The following ARFIP1 variants were observed in gnomAD, a reference collection of about 807,000 sequenced individuals.
The protein encoded by ARFIP1 is ARF interacting protein 1.
In ARFIP1, 24 loss-of-function variants were observed where a neutral mutation model predicts 42.5. The ratio of observed to expected loss-of-function variants is 0.57; its 90% CI spans 0.41 to 0.80. The LOEUF (loss-of-function observed/expected upper bound fraction) is 0.80, where lower values mean the gene tolerates loss of function less well. Among genes scored for constraint, ARFIP1 ranks in the 30% least tolerant of loss-of-function variants. The probability of loss-of-function intolerance (pLI) is 0.00; values close to 1 mark genes in which losing one functional copy is unlikely to be tolerated. For synonymous variants in ARFIP1, 141 were observed against 153.7 expected (o/e 0.92, Z 0.61); for missense variants, 354 against 434.0 (o/e 0.82, Z 1.64).
intron 1 of ARFIP1, among the ~76,000 whole-genome samples, chr4:152,793,555 A>G (rs558400389): frequency 6.6e-6 from 1 of 152,188 alleles, no homozygotes; most frequent in East Asian, 1.9e-4. Flanking sequence ...TCTCCTATAC[A>G]TACATACCTA....
intron 1 of ARFIP1, among the ~76,000 whole-genome samples, chr4:152,824,959 C>CA (rs1373443842): frequency 6.6e-6 from 1 of 151,568 alleles, no homozygotes; most frequent in Non-Finnish European, 1.5e-5. Flanking sequence ...TATATACACA[C>CA]ACGCACACCA....
At chr4:152,793,327 GAT>G (rs915022932) in intron 1 of ARFIP1, among the ~76,000 whole-genome samples, 12 of 143,686 alleles carry the variant, frequency 8.4e-5, no homozygotes, top group South Asian at 2.2e-4. Flanking sequence ...AAAAAAAAAT[GAT>G]ATATATATAT....
chr4:152,910,204 G>T lies in ARFIP1; in HGVS notation c.1107G>T (p.Trp369Cys). Residue 369 changes from tryptophan (W) to cysteine (C), a missense_variant, in exon 9 of 9, where the codon TGG (tryptophan) becomes TGT (cysteine). Physicochemically the swap from Trp to Cys is radical, Grantham distance 215 (BLOSUM62 -2). Transcript: ENST00000353617. ...CCCCTGGAGTGGATGCCCCATCTTG[G>T]CTTGAAGAACAGTAAAATCACAGCG... ...LKTPGVDAPS[W>C]LEEQ 1 of 1,612,466 alleles carries T rather than the reference G, an allele frequency of 6.2e-7. No homozygotes were observed. Among genetic ancestry groups the T allele is most frequent in the Non-Finnish European group, 8.5e-7 (1 of 1,179,524 alleles).
chr4:152,910,153 T>TG lies in ARFIP1; in HGVS notation c.1056_1057insG (p.Lys353GlufsTer19). 6.2e-7 allele frequency: 1 copy of TG among 1,614,154 alleles called. No individual in the cohort carries two copies. Among genetic ancestry groups the TG allele is most frequent in the African/African-American group, 1.3e-5 (1 of 75,048 alleles). On this transcript the variant is annotated frameshift_variant, in exon 9 of 9. Coordinates refer to ENST00000353617, the MANE Select transcript of ARFIP1 (RefSeq NM_001025595.3). LOFTEE classifies it high-confidence loss of function. ...ATCAGAAGCAGCTTGAACAGACACT[T>TG]AAACAGTTCCATATCAAATTGAAAA...
intron 1 of ARFIP1, among the ~76,000 whole-genome samples, chr4:152,785,851 A>C (rs931460249): frequency 6.6e-6 from 1 of 152,202 alleles, no homozygotes; most frequent in African/African-American, 2.4e-5. Flanking sequence ...TCAGTTCCTC[A>C]TTGTACCAGC....
At chr4:152,788,758 A>G (rs965158338) in intron 1 of ARFIP1, among the ~76,000 whole-genome samples, 4 of 151,856 alleles carry the variant, frequency 2.6e-5, no homozygotes, top group Non-Finnish European at 2.9e-5. Flanking sequence ...CGTAATTATT[A>G]AAGTCCATAT....
chr4:152,874,447 T>C (rs1735152455), intron 5 of ARFIP1, among the ~76,000 whole-genome samples: 1 of 152,218 alleles, frequency 6.6e-6, no homozygotes, highest in South Asian at 2.1e-4. Flanking sequence ...GTGGAGTTAA[T>C]AGTCCAGTGT....
At chr4:152,833,267 G>A (rs958426651) in intron 2 of ARFIP1, among the ~76,000 whole-genome samples, 1 of 151,364 alleles carries the variant, frequency 6.6e-6, no homozygotes, top group African/African-American at 2.4e-5. Context: ...AGTACAAATG[G>A]CCAACAGGTA....
chr4:152,874,988 A>G (rs1392279383), intron 5 of ARFIP1, among the ~76,000 whole-genome samples: 2 of 151,990 alleles, frequency 1.3e-5, no homozygotes, highest in Non-Finnish European at 2.9e-5. Context: ...GAATAACTTG[A>G]TTCTGGCTAT....
chr4:152,857,696 A>T (rs1159076995), intron 2 of ARFIP1, among the ~76,000 whole-genome samples: 2 of 152,180 alleles, frequency 1.3e-5, no homozygotes, highest in African/African-American at 2.4e-5. Context: ...AATTTATCTC[A>T]TCAGAGAGAC....
chr4:152,781,234 CTTTTTTTTTT>C (rs535397594), intron 1 of ARFIP1, among the ~76,000 whole-genome samples: 135 of 118,922 alleles, frequency 1.1e-3, no homozygotes, highest in Admixed American at 4.3e-3. Context: ...TTTCTTTTTT[CTTTTTTTTTT>C]TTTTTTTTTG....
intron 1 of ARFIP1, among the ~76,000 whole-genome samples, chr4:152,806,664 G>A (rs148263489): frequency 7.8e-4 from 118 of 152,140 alleles, no homozygotes; most frequent in Middle Eastern, 3.4e-3. Flanking sequence ...AGTTTCTTGT[G>A]TCCCTTTGCA....
chr4:152,864,411 A>G (rs1452958165), intron 3 of ARFIP1, among the ~76,000 whole-genome samples: 1 of 152,262 alleles, frequency 6.6e-6, no homozygotes, highest in African/African-American at 2.4e-5. Context: ...TAATGAGAGT[A>G]GCAAGCACGA....
intron 2 of ARFIP1, among the ~76,000 whole-genome samples, chr4:152,831,013 G>A (rs1273544883): frequency 2.0e-5 from 3 of 152,126 alleles, no homozygotes; most frequent in Non-Finnish European, 4.4e-5. Context: ...CCAATATAGA[G>A]TGACTCATAG....
At chr4:152,809,319 T>A (rs1309100371) in intron 1 of ARFIP1, among the ~76,000 whole-genome samples, 1 of 152,208 alleles carries the variant, frequency 6.6e-6, no homozygotes, top group Non-Finnish European at 1.5e-5. Context: ...ATAGCAGCTT[T>A]ACTTACGAGA....
intron 3 of ARFIP1, among the ~76,000 whole-genome samples, chr4:152,867,891 ATTAG>A (rs1318902186): frequency 2.0e-5 from 3 of 152,230 alleles, no homozygotes; most frequent in African/African-American, 7.2e-5. Context: ...CTATACTTAA[ATTAG>A]TTAAGCATTT....
intron 5 of ARFIP1, among the ~76,000 whole-genome samples, chr4:152,875,961 C>T (rs943297859): frequency 2.0e-5 from 3 of 152,104 alleles, no homozygotes; most frequent in Non-Finnish European, 4.4e-5. Context: ...TTCTCATTTT[C>T]TCTTGCTGCC....
chr4:152,851,512 T>C (rs546221421), intron 2 of ARFIP1, among the ~76,000 whole-genome samples: 17 of 152,270 alleles, frequency 1.1e-4, no homozygotes, highest in African/African-American at 4.1e-4. Flanking sequence ...GATAAGTAGA[T>C]AGTAGATCCT....
chr4:152,828,399 C>G (rs1168518215), intron 1 of ARFIP1, among the ~76,000 whole-genome samples: 1 of 152,148 alleles, frequency 6.6e-6, no homozygotes, highest in African/African-American at 2.4e-5. Context: ...CAGGATTTGG[C>G]CATTCTAATA....
Sources: allele counts gnomAD v4.1 joint callset (sites outside exome capture counted in the v4.1 genomes callset), GRCh38; gene constraint gnomAD v4.1.1; transcripts MANE v1.5; gene names NCBI Gene and HGNC (gene_info 2026-07-23, HGNC 2026-07-21).